The following EVA1C variants were observed in gnomAD, a reference collection of about 807,000 sequenced individuals.
EVA1C encodes the protein eva-1 homolog C.
In EVA1C, 25 loss-of-function variants were observed where a neutral mutation model predicts 45.4. The ratio of observed to expected loss-of-function variants is 0.55; its 90% CI spans 0.40 to 0.77. The LOEUF is 0.77. Among genes scored for constraint, EVA1C ranks in the 30% least tolerant of loss-of-function variants. The pLI, the probability that EVA1C is intolerant of heterozygous loss-of-function variation, is 0.00. For synonymous variants in EVA1C, 190 were observed against 221.2 expected (o/e 0.86, Z 1.25); for missense variants, 479 against 554.8 (o/e 0.86, Z 1.37).
chr21:32,504,897 G>C (rs1385015298), intron 7 of EVA1C, among the ~76,000 whole-genome samples: 4 of 151,908 alleles, frequency 2.6e-5, no homozygotes, highest in Non-Finnish European at 5.9e-5. Context: ...TGGACTCACA[G>C]TTCCACATGG....
rs536870537 is a variant in EVA1C at position 32,436,986 on chromosome 21, C to T, written c.161-16326C>T. Among the ~76,000 whole-genome samples, 75 of 152,128 alleles carry T rather than the reference C, an allele frequency of 4.9e-4. 2 individuals are homozygous for T. In the South Asian group the frequency reaches 0.011, roughly 22 times the overall value. On this transcript the variant is annotated intron_variant, in intron 1 of 7. Transcript: ENST00000300255. ...ACCAGCCTAGCCCATATGGTGAAAC[C>T]CACTCTCTACTAAAAATATAAAAAT... is the stretch of plus-strand genomic sequence containing the variant.
intron 7 of EVA1C, among the ~76,000 whole-genome samples, chr21:32,513,150 T>G (rs916439047): frequency 1.3e-4 from 20 of 149,544 alleles, no homozygotes; most frequent in African/African-American, 3.7e-4. Context: ...TATAGTAGTA[T>G]TATAATACTT....
At chr21:32,475,690 G>A (rs1296285385) in intron 4 of EVA1C, among the ~76,000 whole-genome samples, 4 of 151,922 alleles carry the variant, frequency 2.6e-5, no homozygotes, top group Admixed American at 6.6e-5. Flanking sequence ...GTTCCCTGGT[G>A]GCCAGATATT....
intron 4 of EVA1C, among the ~76,000 whole-genome samples, chr21:32,491,681 CAAAAAAAAAAAAAA>C (rs34286023): frequency 3.5e-5 from 2 of 57,684 alleles, no homozygotes; most frequent in African/African-American, 6.4e-5. Flanking sequence ...GAGACTCTGT[CAAAAAAAAAAAAAA>C]AAAAAAAAAA....
intron 5 of EVA1C, among the ~76,000 whole-genome samples, chr21:32,497,674 G>A (rs573314512): frequency 6.6e-6 from 1 of 152,180 alleles, no homozygotes; most frequent in Admixed American, 6.5e-5. Context: ...TTTTCACACT[G>A]CTGATAAAGA....
intron 1 of EVA1C, among the ~76,000 whole-genome samples, chr21:32,446,677 T>C (rs1048464499): frequency 1.4e-4 from 21 of 152,276 alleles, no homozygotes; most frequent in African/African-American, 5.1e-4. Flanking sequence ...CTGCCTTTTG[T>C]TTAAGGACAA....
chr21:32,417,829 A>G (rs1286836728), intron 1 of EVA1C, among the ~76,000 whole-genome samples: 2 of 152,168 alleles, frequency 1.3e-5, no homozygotes, highest in Middle Eastern at 3.2e-3. Context: ...AAAAATATCT[A>G]TGGACATTCA....
chr21:32,426,147 A>AT (rs1280094591), intron 1 of EVA1C, among the ~76,000 whole-genome samples: 1 of 151,816 alleles, frequency 6.6e-6, no homozygotes, highest in Admixed American at 6.6e-5. Context: ...TTTAGTCAGA[A>AT]TTTTTCCCCC....
chr21:32,452,754 A>G lies in EVA1C; in HGVS notation c.161-558A>G, dbSNP rs1038587000. The G allele has an allele frequency of 2.0e-5, 3 of 152,338 alleles. No individual in the cohort carries two copies. The highest frequency in any genetic ancestry group is 7.2e-5 in the African/African-American group (3 of 41,438). The allele number at this position is 152,338 out of a possible 1,614,324, so 9.4% of individuals were successfully genotyped here. On this transcript the variant is annotated intron_variant, in intron 1 of 7. Transcript: ENST00000300255. This position sits in a 1 kb window ranked among gnomAD's most constrained non-coding sequence, Gnocchi z 4.0. ...GAGTGGGAAGGTGGTCTTCCCCTAG[A>G]GTTGGGCTGCCCAGCAGCCAGACTC...
At position 32,429,012 on chromosome 21, in the gene EVA1C, T is replaced by TTTTA. The variant is rs200417082; in HGVS notation, c.160+16019_160+16022dup. On this transcript the variant is annotated intron_variant, in intron 1 of 7. Coordinates refer to ENST00000300255, the MANE Select transcript of EVA1C (RefSeq NM_058187.5). ...CATGCTCAATCCTTCCTCAATTTAT[T>TTTTA]TTTATTTATTTATTTATTTATTTTT... Among the ~76,000 whole-genome samples the TTTTA allele has an allele frequency of 7.7e-3, 1,125 of 147,022 alleles. 1 individual carries two copies. Among genetic ancestry groups the TTTTA allele is most frequent in the African/African-American group, 0.011 (413 of 36,600 alleles).
intron 2 of EVA1C, among the ~76,000 whole-genome samples, chr21:32,455,346 TC>T (rs2035740525): frequency 6.6e-6 from 1 of 152,150 alleles, no homozygotes; most frequent in African/African-American, 2.4e-5. Flanking sequence ...ACAGTATTAA[TC>T]CATTCATAAG....
At chr21:32,477,209 A>T (rs932601057) in intron 4 of EVA1C, among the ~76,000 whole-genome samples, 4 of 152,036 alleles carry the variant, frequency 2.6e-5, no homozygotes, top group African/African-American at 9.7e-5. Context: ...TTAGCACATC[A>T]AGATGACAGA....
At position 32,427,623 on chromosome 21, in the gene EVA1C, G is replaced by A. The variant is rs192924946; in HGVS notation, c.160+14610G>A. Among the ~76,000 whole-genome samples the A allele has an allele frequency of 8.8e-3, 1,338 of 152,064 alleles. 16 individuals are homozygous for A. Among genetic ancestry groups the A allele is most frequent in the African/African-American group, 0.031 (1,275 of 41,488 alleles). On this transcript the variant is annotated intron_variant, in intron 1 of 7. Transcript: ENST00000300255. The stretch of plus-strand genomic sequence containing the variant: ...AGTTACTCGGGAGGCTGAGGCAGGA[G>A]AATCGCTTGAACCTGGGAGGCGGAG...
intron 3 of EVA1C, among the ~76,000 whole-genome samples, chr21:32,459,278 C>T (rs2035908015): frequency 6.6e-6 from 1 of 152,120 alleles, no homozygotes; most frequent in African/African-American, 2.4e-5. Flanking sequence ...ACAAGCAGGC[C>T]CAGCCATTCA....
chr21:32,429,175 G>T (rs1471684733), intron 1 of EVA1C, among the ~76,000 whole-genome samples: 1 of 150,842 alleles, frequency 6.6e-6, no homozygotes, highest in African/African-American at 2.5e-5. Context: ...CAAGTAGCTG[G>T]GATTTCAGGC....
At chr21:32,489,255 G>A (rs1389177826) in intron 4 of EVA1C, among the ~76,000 whole-genome samples, 1 of 152,134 alleles carries the variant, frequency 6.6e-6, no homozygotes, top group Non-Finnish European at 1.5e-5. Context: ...TCCATTTTGT[G>A]TTGATTTTTG....
At chr21:32,458,482 C>CTTTT (rs60556962) in intron 3 of EVA1C, among the ~76,000 whole-genome samples, 5 of 142,638 alleles carry the variant, frequency 3.5e-5, no homozygotes, top group Admixed American at 7.0e-5. Flanking sequence ...AAGTTAAGCA[C>CTTTT]TTTTTTTTTT....
At chr21:32,430,834 G>A (rs1427358970) in intron 1 of EVA1C, among the ~76,000 whole-genome samples, 6 of 151,932 alleles carry the variant, frequency 3.9e-5, no homozygotes, top group East Asian at 3.9e-4. Flanking sequence ...TTAGCCAGGC[G>A]TGATGGCTCA....
intron 1 of EVA1C, among the ~76,000 whole-genome samples, chr21:32,417,550 T>C (rs962322445): frequency 2.0e-5 from 3 of 152,196 alleles, no homozygotes; most frequent in Non-Finnish European, 4.4e-5. Flanking sequence ...GACTCCAATG[T>C]TTGAATTTTA....
Sources: allele counts gnomAD v4.1 joint callset (sites outside exome capture counted in the v4.1 genomes callset), GRCh38; gene constraint gnomAD v4.1.1; non-coding constraint Gnocchi (gnomAD v3.1); transcripts MANE v1.5; gene names NCBI Gene and HGNC (gene_info 2026-07-23, HGNC 2026-07-21).